MAGI1: variants seen among roughly 807,000 people sequenced by gnomAD.
MAGI1 encodes membrane-associated guanylate kinase, WW and PDZ domain-containing protein 1.
Under a neutral mutation model 139.9 loss-of-function variants are expected in MAGI1, and 58 were observed. That is an observed-to-expected ratio of 0.41 (90% confidence interval 0.34 to 0.52). The LOEUF (loss-of-function observed/expected upper bound fraction) is 0.52, where lower values mean the gene tolerates loss of function less well. MAGI1 is among the 20% of genes least tolerant of loss of function. MAGI1 has a pLI of 0.12. For missense variants in MAGI1, 1,874 were observed against 1,901.6 expected (o/e 0.99, Z 0.27); for synonymous variants, 812 against 737.9 (o/e 1.10, Z -1.63).
At chr3:65,438,221 T>C (rs1947983679) in intron 9 of MAGI1, among the ~76,000 whole-genome samples, 1 of 152,116 alleles carries the variant, frequency 6.6e-6, no homozygotes, top group South Asian at 2.1e-4. Context: ...ATTATGTCTT[T>C]TGCGGCAACA....
intron 10 of MAGI1, among the ~76,000 whole-genome samples, chr3:65,436,195 T>C (rs1057178673): frequency 6.6e-6 from 1 of 151,572 alleles, no homozygotes; most frequent in Admixed American, 6.6e-5. Flanking sequence ...TTATAATGAA[T>C]TAAAATTAAA....
chr3:65,972,959 T>C (rs2065079084), intron 1 of MAGI1, among the ~76,000 whole-genome samples: 1 of 152,140 alleles, frequency 6.6e-6, no homozygotes, highest in Non-Finnish European at 1.5e-5. Context: ...TACTACCTCC[T>C]GGTGGTTACC....
At chr3:65,728,430 A>C (rs989601822) in intron 1 of MAGI1, among the ~76,000 whole-genome samples, 1 of 152,186 alleles carries the variant, frequency 6.6e-6, no homozygotes, top group African/African-American at 2.4e-5. Context: ...TTTCAGCAGG[A>C]AAGTGCTATG....
chr3:65,449,343 A>C (rs1369723399), intron 6 of MAGI1, among the ~76,000 whole-genome samples: 1 of 152,192 alleles, frequency 6.6e-6, no homozygotes, highest in Non-Finnish European at 1.5e-5. Flanking sequence ...AGGAGAATCT[A>C]ATTTACACAA....
At chr3:65,658,243 G>C (rs896895458) in intron 1 of MAGI1, among the ~76,000 whole-genome samples, 5 of 149,208 alleles carry the variant, frequency 3.4e-5, no homozygotes, top group Non-Finnish European at 6.0e-5. Flanking sequence ...TTGGGTTCTA[G>C]AGAATGTTAC....
At chr3:65,991,307 T>TTAA (rs1258512746) in intron 1 of MAGI1, among the ~76,000 whole-genome samples, 3 of 109,316 alleles carry the variant, frequency 2.7e-5, no homozygotes, top group African/African-American at 9.6e-5. Flanking sequence ...AAAAAAAAGG[T>TTAA]AAAAAAAAAA....
Position 65,998,568 on chromosome 3 carries a change from G to C in MAGI1, c.313+39428C>G, listed in dbSNP as rs970100366. The stretch of plus-strand genomic sequence containing the variant: ...TCCTTTAATAAAAATTACATATTTA[G>C]AGGTTAAGATTTAAGAGACCAAGAC... On this transcript the variant is annotated intron_variant, in intron 1 of 22. Coordinates refer to ENST00000402939, the MANE Select transcript of MAGI1 (RefSeq NM_001033057.2). Among the ~76,000 whole-genome samples, 4 of 152,190 alleles carry C rather than the reference G, an allele frequency of 2.6e-5. No individual in the cohort carries two copies. The East Asian group carries it at 5.8e-4, about 22-fold the overall frequency.
intron 1 of MAGI1, among the ~76,000 whole-genome samples, chr3:65,682,280 A>T (rs543368416): frequency 7.9e-5 from 12 of 152,270 alleles, no homozygotes; most frequent in African/African-American, 2.9e-4. Flanking sequence ...CCCTACAAAG[A>T]AGGAAGTGGG....
intron 1 of MAGI1, among the ~76,000 whole-genome samples, chr3:65,857,543 A>T (rs1226138086): frequency 6.6e-6 from 1 of 152,220 alleles, no homozygotes; most frequent in Non-Finnish European, 1.5e-5. Context: ...CACACGGTTC[A>T]GGGTCCAGAG....
chr3:66,033,319 C>G (rs2068742518), intron 1 of MAGI1, among the ~76,000 whole-genome samples: 1 of 152,178 alleles, frequency 6.6e-6, no homozygotes, highest in African/African-American at 2.4e-5. Flanking sequence ...ACCACAAGGG[C>G]ACTATCTTAT....
chr3:65,720,401 C>T (rs1191796806), intron 1 of MAGI1, among the ~76,000 whole-genome samples: 1 of 152,150 alleles, frequency 6.6e-6, no homozygotes, highest in Non-Finnish European at 1.5e-5. Context: ...GAAGACTTGG[C>T]TCTGTTCTCC....
At chr3:65,416,487 T>C (rs1946227109) in intron 12 of MAGI1, among the ~76,000 whole-genome samples, 1 of 152,214 alleles carries the variant, frequency 6.6e-6, no homozygotes, top group Non-Finnish European at 1.5e-5. Context: ...GCATTAGGCA[T>C]GAGACAATGG....
chr3:65,622,343 GT>G (rs1300868244), intron 1 of MAGI1, among the ~76,000 whole-genome samples: 1 of 152,142 alleles, frequency 6.6e-6, no homozygotes, highest in East Asian at 1.9e-4. Context: ...AAATATCAAA[GT>G]GTTTAATGTA....
At chr3:65,622,473 T>C (rs976891336) in intron 1 of MAGI1, among the ~76,000 whole-genome samples, 5 of 152,254 alleles carry the variant, frequency 3.3e-5, no homozygotes, top group Admixed American at 6.5e-5. Context: ...AAATGTTCTT[T>C]GACCAGGGAT....
chr3:65,869,485 C>A (rs2059859000), intron 1 of MAGI1, among the ~76,000 whole-genome samples: 1 of 150,768 alleles, frequency 6.6e-6, no homozygotes, highest in Non-Finnish European at 1.5e-5. Flanking sequence ...ACTGCAAGCT[C>A]CACCCCCCAG....
chr3:65,477,714 T>A lies in MAGI1; in HGVS notation c.757+878A>T, dbSNP rs7644266. Among the ~76,000 whole-genome samples, 75 of 107,330 alleles carry A rather than the reference T, an allele frequency of 7.0e-4. 1 individual carries two copies. Among genetic ancestry groups the A allele is most frequent in the African/African-American group, 1.9e-3 (52 of 27,490 alleles). The allele number at this position is 107,330 out of a possible 152,430, so 70.4% of individuals were successfully genotyped here. A position where few individuals can be genotyped will look rare whatever the true frequency, so the allele number is the denominator to read the frequency against. ...CAACATTATTATTATTATTATTATT[T>A]TTTTTTTTTTATTTATATTTTTTGA... is the stretch of plus-strand genomic sequence containing the variant. On this transcript the variant is annotated intron_variant, in intron 4 of 22. Coordinates refer to ENST00000402939, the MANE Select transcript of MAGI1 (RefSeq NM_001033057.2).
rs187040969 is a variant in MAGI1 at position 65,997,210 on chromosome 3, A to G, written c.313+40786T>C. ...CAGCACCTCCTCACATACCCTGACC[A>G]CCAGCAGCACTGTGCAAGACCTTAT... On this transcript the variant is annotated intron_variant, in intron 1 of 22. Coordinates refer to ENST00000402939, the MANE Select transcript of MAGI1 (RefSeq NM_001033057.2). Among the ~76,000 whole-genome samples, 59 of 152,246 alleles carry G rather than the reference A, an allele frequency of 3.9e-4. No individual in the cohort carries two copies. In the East Asian group the frequency reaches 9.9e-3, roughly 25 times the overall value.
In MAGI1 at chr3:66,018,713, C is replaced by G. The variant is rs553112839; in HGVS notation, c.313+19283G>C. On this transcript the variant is annotated intron_variant, in intron 1 of 22. Transcript: ENST00000402939. ...TGCAGCCTTCTGCATTCTGAGTGCT[C>G]GGGGTCTTAATCAGCCACCTGAGCT... Among the ~76,000 whole-genome samples the G allele has an allele frequency of 2.0e-5, 3 of 152,288 alleles. No individual in the cohort carries two copies. The East Asian group carries it at 5.8e-4, about 29-fold the overall frequency.
At chr3:65,978,621 C>CTTTTTTTTTT (rs373662388) in intron 1 of MAGI1, among the ~76,000 whole-genome samples, 1 of 129,172 alleles carries the variant, frequency 7.7e-6, no homozygotes, top group African/African-American at 2.9e-5. Flanking sequence ...CTCAAAATTT[C>CTTTTTTTTTT]TTTTTTTTTT....
Sources: allele counts gnomAD v4.1 joint callset (sites outside exome capture counted in the v4.1 genomes callset), GRCh38; gene constraint gnomAD v4.1.1; transcripts MANE v1.5; gene names NCBI Gene and HGNC (gene_info 2026-07-23, HGNC 2026-07-21).